The following AGMO variants were observed in gnomAD, a reference collection of about 807,000 sequenced individuals.
AGMO encodes glyceryl-ether monooxygenase.
AGMO carries 75 observed loss-of-function variants against 60.2 expected under a neutral mutation model. The ratio of observed to expected loss-of-function variants is 1.25; its 90% CI spans 1.03 to 1.51. The LOEUF (loss-of-function observed/expected upper bound fraction) is 1.51. AGMO is among the 40% of genes most tolerant of loss of function. AGMO has a pLI of 0.00. For missense variants in AGMO, 763 were observed against 525.5 expected, an observed-to-expected ratio of 1.45 and a Z score of -4.42; for synonymous variants, 261 against 177.1, an observed-to-expected ratio of 1.47 and a Z score of -3.76.
chr7:15,408,990 T>A (rs979575812), intron 5 of AGMO, among the ~76,000 whole-genome samples: 3 of 151,410 alleles, frequency 2.0e-5, no homozygotes, highest in Non-Finnish European at 4.4e-5. Flanking sequence ...AATGCAAAAA[T>A]TGGGTATTAG....
chr7:15,560,163 CA>C lies in AGMO; in HGVS notation c.234del (p.Gly79ValfsTer16). Reference protein sequence around the residue: ...RLDDALTSISAGVLSRLPSLF... With the variant: ...RLDDALTSISXGVLSRLPSLF... ...CACCTTGGAAGTCGAGACAGAACACCAGCTGAGATTGACGTTAAAGCATCAT... is the reference window on the plus strand; with the variant it reads ...CACCTTGGAAGTCGAGACAGAACACCGCTGAGATTGACGTTAAAGCATCAT... On this transcript the variant is annotated frameshift_variant, in exon 2 of 13. Transcript: ENST00000342526. LOFTEE classifies it high-confidence loss of function. 1 of 1,612,448 alleles carries C rather than the reference CA, an allele frequency of 6.2e-7. No individual in the cohort carries two copies. The highest frequency in any genetic ancestry group is 1.3e-5 in the African/African-American group (1 of 74,880).
intron 2 of AGMO, among the ~76,000 whole-genome samples, chr7:15,559,420 T>A (rs1031937804): frequency 1.3e-5 from 2 of 152,080 alleles, no homozygotes; most frequent in African/African-American, 4.8e-5. Context: ...GGAAAACAGA[T>A]AAAGCTTGCT....
At chr7:15,495,737 G>C (rs1783204128) in intron 3 of AGMO, among the ~76,000 whole-genome samples, 2 of 152,014 alleles carry the variant, frequency 1.3e-5, no homozygotes, top group East Asian at 1.9e-4. Context: ...TTGCTAGTAA[G>C]GCCTTCTTCC....
chr7:15,391,898 G>A (rs1439347441), intron 6 of AGMO, among the ~76,000 whole-genome samples: 1 of 152,006 alleles, frequency 6.6e-6, no homozygotes, highest in Non-Finnish European at 1.5e-5. Flanking sequence ...ACAGTGCACC[G>A]AACATCCTCC....
chr7:15,231,116 T>C (rs1227589932), intron 12 of AGMO, among the ~76,000 whole-genome samples: 1 of 151,918 alleles, frequency 6.6e-6, no homozygotes, highest in Non-Finnish European at 1.5e-5. Context: ...ATCAGAAGAG[T>C]TTTCTGGAGT....
intron 3 of AGMO, among the ~76,000 whole-genome samples, chr7:15,458,074 G>A (rs1057097169): frequency 5.3e-5 from 8 of 152,132 alleles, no homozygotes; most frequent in Non-Finnish European, 7.3e-5. Flanking sequence ...TACCAAAGTA[G>A]CTATTTTTTC....
At chr7:15,117,849 A>G in the AGMO span, among the ~76,000 whole-genome samples, 5 of 152,010 alleles carry the variant, frequency 3.3e-5, no homozygotes, top group East Asian at 9.7e-4. Context: ...CTAGTATATT[A>G]TGGTTTATTG....
the AGMO span, among the ~76,000 whole-genome samples, chr7:15,134,827 A>G: frequency 6.6e-6 from 1 of 152,050 alleles, no homozygotes; most frequent in African/African-American, 2.4e-5. Flanking sequence ...ATTTTCTGTA[A>G]AACACTTCAC....
At chr7:15,356,371 C>A (rs1782529126) in intron 12 of AGMO, among the ~76,000 whole-genome samples, 1 of 151,852 alleles carries the variant, frequency 6.6e-6, no homozygotes, top group East Asian at 1.9e-4. Flanking sequence ...CAAGTACAGG[C>A]AACAAAAAGA....
intron 3 of AGMO, among the ~76,000 whole-genome samples, chr7:15,534,160 T>G (rs1375815920): frequency 6.6e-6 from 1 of 151,978 alleles, no homozygotes; most frequent in East Asian, 1.9e-4. Flanking sequence ...TTTTTTCAAG[T>G]CATTTCCTAG....
chr7:15,509,364 C>T (rs1000457074), intron 3 of AGMO, among the ~76,000 whole-genome samples: 1 of 120,048 alleles, frequency 8.3e-6, no homozygotes, highest in African/African-American at 2.8e-5. Flanking sequence ...AACTGTAGAC[C>T]CACATGCAAA....
chr7:15,430,630 TAA>T (rs1165399598), intron 4 of AGMO, among the ~76,000 whole-genome samples: 18 of 104,772 alleles, frequency 1.7e-4, no homozygotes, highest in East Asian at 1.2e-3. Context: ...TGGTTTTTTT[TAA>T]AAAAAAAAAA....
At chr7:15,239,302 T>C (rs189377583) in intron 12 of AGMO, among the ~76,000 whole-genome samples, 1 of 152,238 alleles carries the variant, frequency 6.6e-6, no homozygotes, top group Admixed American at 6.5e-5. Context: ...TGATATTTGA[T>C]GCAAAGGATT....
chr7:15,151,240 G>A, the AGMO span, among the ~76,000 whole-genome samples: 1 of 151,922 alleles, frequency 6.6e-6, no homozygotes, highest in African/African-American at 2.4e-5. Context: ...CAAGCTAATG[G>A]GCAATCCATC....
chr7:15,359,722 T>A (rs1308304800), intron 12 of AGMO, among the ~76,000 whole-genome samples: 3 of 152,234 alleles, frequency 2.0e-5, no homozygotes, highest in African/African-American at 4.8e-5. Context: ...GGTTGAGTAA[T>A]CCACATTTGC....
intron 12 of AGMO, among the ~76,000 whole-genome samples, chr7:15,340,619 G>A (rs1031427097): frequency 6.6e-6 from 1 of 152,166 alleles, no homozygotes; most frequent in African/African-American, 2.4e-5. Flanking sequence ...GCTTCAGAGG[G>A]TGCCAGCCCC....
At chr7:15,336,240 T>G (rs1275408479) in intron 12 of AGMO, among the ~76,000 whole-genome samples, 1 of 151,964 alleles carries the variant, frequency 6.6e-6, no homozygotes, top group Non-Finnish European at 1.5e-5. Context: ...ATTCATAACA[T>G]TCACCAAAAA....
Position 15,387,524 on chromosome 7 carries a change from GA to G in AGMO, c.838del (p.Ser280ProfsTer56), listed in dbSNP as rs1562478817. ...PIKVQFHHLF[S>X]IWTTFWATPG... is the part of the protein sequence containing the mutation. ...TGTGGCCCAGAATGTAGTCCATATG[GA>G]AAATAAGTGATGGAACTAGAAACAA... On this transcript the variant is annotated frameshift_variant, in exon 9 of 13. Coordinates refer to ENST00000342526, the MANE Select transcript of AGMO (RefSeq NM_001004320.2). LOFTEE classifies it high-confidence loss of function. 6.2e-7 allele frequency: 1 copy of G among 1,610,610 alleles called. No individual in the cohort carries two copies. Among genetic ancestry groups the G allele is most frequent in the African/African-American group, 1.4e-5 (1 of 74,070 alleles).
intron 12 of AGMO, among the ~76,000 whole-genome samples, chr7:15,270,582 T>G (rs899870205): frequency 1.4e-5 from 2 of 143,088 alleles, no homozygotes; most frequent in Admixed American, 7.0e-5. Flanking sequence ...TTAAACAAAT[T>G]TAATCTGTTG....
Sources: allele counts gnomAD v4.1 joint callset (sites outside exome capture counted in the v4.1 genomes callset), GRCh38; gene constraint gnomAD v4.1.1; transcripts MANE v1.5; gene names NCBI Gene and HGNC (gene_info 2026-07-23, HGNC 2026-07-21).